Variants in DLG2 observed in about 807,000 individuals in gnomAD.
The protein encoded by DLG2 is disks large homolog 2.
In DLG2, 45 loss-of-function variants were observed where a neutral mutation model predicts 132.5. The observed-to-expected ratio is 0.34, with a 90% CI of 0.27 to 0.44. The LOEUF is 0.44. DLG2 is among the 20% of genes least tolerant of loss of function. The probability of loss-of-function intolerance (pLI) is 1.00; values close to 1 mark genes in which losing one functional copy is unlikely to be tolerated. For missense variants in DLG2, 1,045 were observed against 1,196.9 expected, an observed-to-expected ratio of 0.87 and a Z score of 1.87; for synonymous variants, 424 against 419.6, an observed-to-expected ratio of 1.01 and a Z score of -0.13.
In DLG2 at chr11:85,040,891, T is replaced by C. The variant is rs372759211; in HGVS notation, c.357+70770A>G. On this transcript the variant is annotated intron_variant, in intron 6 of 27. Transcript: ENST00000376104. ...AAAGTAGGAACTAGTATTATTCCTA[T>C]TTTATAGATGAGGAAACTAAGAGAA... is the stretch of plus-strand genomic sequence containing the variant. Among the ~76,000 whole-genome samples, 23 of 151,992 alleles carry C rather than the reference T, an allele frequency of 1.5e-4. No individual in the cohort carries two copies. The East Asian group carries it at 3.5e-3, about 23-fold the overall frequency.
At chr11:83,981,934 C>G (rs1324816176) in intron 11 of DLG2, among the ~76,000 whole-genome samples, 1 of 152,092 alleles carries the variant, frequency 6.6e-6, no homozygotes, top group South Asian at 2.1e-4. Flanking sequence ...ATGTTTTGAT[C>G]AGTGATAGAG....
At chr11:84,309,721 G>T (rs1348843792) in intron 7 of DLG2, among the ~76,000 whole-genome samples, 4 of 152,196 alleles carry the variant, frequency 2.6e-5, no homozygotes. Context: ...GAAGAAGGTG[G>T]TATCAAACAG....
intron 19 of DLG2, among the ~76,000 whole-genome samples, chr11:83,577,559 AAT>A (rs1167372199): frequency 0.028 from 2,183 of 78,380 alleles, 90 homozygotes; most frequent in African/African-American, 0.075. Flanking sequence ...GAATTAATAG[AAT>A]ATATATATAT....
intron 6 of DLG2, among the ~76,000 whole-genome samples, chr11:85,047,165 T>A (rs963152413): frequency 2.0e-5 from 3 of 151,944 alleles, no homozygotes; most frequent in African/African-American, 7.2e-5. Context: ...ATTATTCTTC[T>A]TATAAACAGC....
chr11:84,274,253 G>T (rs1399170142), intron 7 of DLG2, among the ~76,000 whole-genome samples: 1 of 152,134 alleles, frequency 6.6e-6, no homozygotes, highest in Non-Finnish European at 1.5e-5. Context: ...GAGCTAGAAG[G>T]TGCTAGGAGG....
intron 7 of DLG2, among the ~76,000 whole-genome samples, chr11:84,433,938 G>GA (rs1367341569): frequency 1.3e-5 from 2 of 151,854 alleles, no homozygotes; most frequent in African/African-American, 4.8e-5. Context: ...GGAACATGGG[G>GA]AAACCTCATC....
intron 22 of DLG2, among the ~76,000 whole-genome samples, chr11:83,478,699 C>A (rs1285022916): frequency 1.3e-5 from 2 of 152,020 alleles, no homozygotes; most frequent in African/African-American, 2.4e-5. Flanking sequence ...ATTAAAAGAA[C>A]TGAAAGATAA....
At chr11:84,933,277 G>C (rs975814492) in intron 6 of DLG2, among the ~76,000 whole-genome samples, 2 of 152,086 alleles carry the variant, frequency 1.3e-5, no homozygotes, top group Non-Finnish European at 2.9e-5. Context: ...TAGCCCTCTA[G>C]TATATTTTTA....
intron 6 of DLG2, among the ~76,000 whole-genome samples, chr11:84,672,409 G>A (rs1227685923): frequency 6.6e-6 from 1 of 152,064 alleles, no homozygotes; most frequent in Non-Finnish European, 1.5e-5. Flanking sequence ...GAGCGATCTG[G>A]TAGATAAATT....
chr11:84,078,624 A>G (rs2096860219), intron 10 of DLG2, among the ~76,000 whole-genome samples: 1 of 152,234 alleles, frequency 6.6e-6, no homozygotes, highest in Non-Finnish European at 1.5e-5. Flanking sequence ...GGGCAGGTCA[A>G]TTGAAGATCT....
intron 7 of DLG2, among the ~76,000 whole-genome samples, chr11:84,280,867 A>ATTTTTTTT (rs35970331): frequency 2.5e-4 from 17 of 67,702 alleles, no homozygotes; most frequent in Admixed American, 4.4e-4. Flanking sequence ...TGCCCAGCCA[A>ATTTTTTTT]TTTTTTTTTT....
intron 15 of DLG2, among the ~76,000 whole-genome samples, chr11:83,879,115 A>C (rs1422878882): frequency 6.6e-6 from 1 of 152,178 alleles, no homozygotes; most frequent in African/African-American, 2.4e-5. Context: ...TGAGCATCTG[A>C]ATTGAAATTG....
chr11:83,567,247 T>G (rs1407282866), intron 19 of DLG2, among the ~76,000 whole-genome samples: 2 of 152,210 alleles, frequency 1.3e-5, no homozygotes, highest in Non-Finnish European at 2.9e-5. Context: ...AATATTTTCT[T>G]GACTTAGCCA....
intron 3 of DLG2, among the ~76,000 whole-genome samples, chr11:85,343,729 T>A (rs1049095384): frequency 6.6e-6 from 1 of 152,070 alleles, no homozygotes; most frequent in African/African-American, 2.4e-5. Context: ...AGAGTGATGA[T>A]GTATGGTTTT....
At chr11:84,631,018 T>TCACACACACA (rs372331224) in intron 6 of DLG2, among the ~76,000 whole-genome samples, 2 of 94,290 alleles carry the variant, frequency 2.1e-5, no homozygotes, top group African/African-American at 9.1e-5. Flanking sequence ...TCTCTCTCTC[T>TCACACACACA]CACACACACA....
chr11:85,478,536 G>C (rs766284137), intron 3 of DLG2, among the ~76,000 whole-genome samples: 2 of 152,116 alleles, frequency 1.3e-5, no homozygotes, highest in African/African-American at 2.4e-5. Flanking sequence ...TGTGAAATTT[G>C]TCAGAAAGAC....
intron 6 of DLG2, among the ~76,000 whole-genome samples, chr11:85,069,020 C>T (rs540990708): frequency 2.6e-5 from 4 of 151,904 alleles, no homozygotes; most frequent in African/African-American, 4.8e-5. Context: ...CATCTGATCT[C>T]TGACAAACCT....
intron 6 of DLG2, among the ~76,000 whole-genome samples, chr11:84,742,590 T>A (rs1236155641): frequency 1.3e-5 from 2 of 152,158 alleles, no homozygotes; most frequent in East Asian, 3.8e-4. Context: ...CATTCCCTAT[T>A]ATTAACATCC....
At chr11:84,673,843 C>T (rs2099708595) in intron 6 of DLG2, among the ~76,000 whole-genome samples, 1 of 151,726 alleles carries the variant, frequency 6.6e-6, no homozygotes, top group Non-Finnish European at 1.5e-5. Flanking sequence ...GTCAACTACT[C>T]AAAGTCATGC....
Sources: gnomAD v4.1 joint callset for allele counts (sites outside exome capture counted in the v4.1 genomes callset) on GRCh38, gnomAD v4.1.1 for gene constraint, MANE v1.5 for transcripts, NCBI Gene and HGNC (gene_info 2026-07-23, HGNC 2026-07-21) for gene names.